Variants in PPARGC1A observed in about 807,000 individuals in gnomAD.
PPARGC1A encodes PPARG coactivator 1 alpha, also known as peroxisome proliferator-activated receptor gamma coactivator 1-alpha.
A neutral mutation model predicts 88.7 loss-of-function variants in PPARGC1A; 25 were observed. That is an observed-to-expected ratio of 0.28 (90% CI 0.21 to 0.39). The LOEUF (loss-of-function observed/expected upper bound fraction) is 0.39. PPARGC1A is among the 10% of genes least tolerant of loss of function. The pLI is 1.00. For synonymous variants in PPARGC1A, 363 were observed against 355.6 expected, an observed-to-expected ratio of 1.02 and a Z score of -0.24; for missense variants, 880 against 968.7, an observed-to-expected ratio of 0.91 and a Z score of 1.22.
the PPARGC1A span, among the ~76,000 whole-genome samples, chr4:24,052,845 C>T: frequency 2.9e-5 from 4 of 139,672 alleles, no homozygotes; most frequent in East Asian, 6.4e-4. Flanking sequence ...TCTCCTGTGG[C>T]GTACGCAGAT....
chr4:23,879,090 A>G (rs1715388585), intron 2 of PPARGC1A, among the ~76,000 whole-genome samples: 1 of 152,256 alleles, frequency 6.6e-6, no homozygotes, highest in Non-Finnish European at 1.5e-5. Context: ...CAGAAATCTT[A>G]TAAAAGTGAT....
At chr4:23,915,742 C>G in the PPARGC1A span, among the ~76,000 whole-genome samples, 289 of 152,182 alleles carry the variant, frequency 1.9e-3, 1 homozygote, top group African/African-American at 6.8e-3. Context: ...TCATGAAGTC[C>G]CATAAATAAA....
the PPARGC1A span, among the ~76,000 whole-genome samples, chr4:24,247,034 T>G: frequency 6.6e-6 from 1 of 152,220 alleles, no homozygotes; most frequent in East Asian, 1.9e-4. Context: ...GGTAAAATTG[T>G]CTTTCTTCCT....
intron 12 of PPARGC1A, among the ~76,000 whole-genome samples, chr4:23,797,469 G>T (rs1169002524): frequency 6.6e-6 from 1 of 152,132 alleles, no homozygotes; most frequent in Non-Finnish European, 1.5e-5. Context: ...TGTGATAAAA[G>T]TCAGCCTGGA....
the PPARGC1A span, among the ~76,000 whole-genome samples, chr4:24,329,085 AT>A: frequency 6.6e-6 from 1 of 152,152 alleles, no homozygotes; most frequent in African/African-American, 2.4e-5. Flanking sequence ...TAAGGATGCT[AT>A]TACGGGCTGA....
the PPARGC1A span, among the ~76,000 whole-genome samples, chr4:24,267,815 C>G: frequency 6.6e-6 from 1 of 152,008 alleles, no homozygotes; most frequent in African/African-American, 2.4e-5. Flanking sequence ...ATTAGCTAAT[C>G]AACGTGTCAT....
At chr4:23,905,401 A>G (rs1189475087), upstream of PPARGC1A, among the ~76,000 whole-genome samples, 1 of 152,216 alleles carries the variant, frequency 6.6e-6, no homozygotes, top group South Asian at 2.1e-4. Context: ...TAACTCAATA[A>G]TGCCATCTTA....
the PPARGC1A span, among the ~76,000 whole-genome samples, chr4:24,057,855 A>G: frequency 1.3e-5 from 2 of 152,246 alleles, no homozygotes; most frequent in Non-Finnish European, 2.9e-5. Flanking sequence ...TTGCTCCAGC[A>G]ATTGGAAAAC....
At chr4:24,394,891 C>T in the PPARGC1A span, among the ~76,000 whole-genome samples, 1 of 152,318 alleles carries the variant, frequency 6.6e-6, no homozygotes, top group Non-Finnish European at 1.5e-5. Flanking sequence ...TTATTAATCA[C>T]TATTGCTTAA....
intron 2 of PPARGC1A, among the ~76,000 whole-genome samples, chr4:23,841,369 A>C (rs1233764008): frequency 6.6e-6 from 1 of 152,116 alleles, no homozygotes; most frequent in Non-Finnish European, 1.5e-5. Flanking sequence ...AAGTTTTTAA[A>C]CTATGTTTCA....
the PPARGC1A span, among the ~76,000 whole-genome samples, chr4:24,343,144 A>G: frequency 2.0e-5 from 3 of 152,220 alleles, no homozygotes; most frequent in African/African-American, 7.2e-5. Context: ...CCCTGGTTCA[A>G]ACCAAACCCT....
the PPARGC1A span, among the ~76,000 whole-genome samples, chr4:24,422,548 C>G: frequency 6.6e-6 from 1 of 151,610 alleles, no homozygotes; most frequent in East Asian, 1.9e-4. Flanking sequence ...TAAGCCTTCC[C>G]TTATTAACTC....
At chr4:24,401,859 A>G in the PPARGC1A span, among the ~76,000 whole-genome samples, 1 of 152,162 alleles carries the variant, frequency 6.6e-6, no homozygotes, top group East Asian at 1.9e-4. Flanking sequence ...ATATCAGTAA[A>G]CATGTAAGTC....
the PPARGC1A span, among the ~76,000 whole-genome samples, chr4:24,182,720 G>C: frequency 2.0e-5 from 3 of 152,236 alleles, no homozygotes; most frequent in Admixed American, 1.3e-4. Context: ...TCTCATTGTG[G>C]TTTCAATTTG....
intron 2 of PPARGC1A, among the ~76,000 whole-genome samples, chr4:23,838,369 A>G (rs1726423739): frequency 6.6e-6 from 1 of 152,180 alleles, no homozygotes; most frequent in Non-Finnish European, 1.5e-5. Context: ...AGAGGTTCCT[A>G]GCTCCTACCT....
the PPARGC1A span, among the ~76,000 whole-genome samples, chr4:24,122,958 G>C: frequency 2.0e-5 from 3 of 152,204 alleles, no homozygotes; most frequent in Middle Eastern, 6.8e-3. Context: ...TTTAGAATTG[G>C]CTCATCCTCC....
At chr4:24,437,620 TGTTG>T in the PPARGC1A span, among the ~76,000 whole-genome samples, 2 of 151,758 alleles carry the variant, frequency 1.3e-5, no homozygotes, top group African/African-American at 4.8e-5. Context: ...TTGTTGTTGT[TGTTG>T]TTGTTGTTGT....
At chr4:23,883,217 G>T (rs1716274164) in intron 2 of PPARGC1A, 1 of 152,152 alleles carries the variant, frequency 6.6e-6, no homozygotes, top group South Asian at 2.1e-4. Context: ...CCTCCACCTT[G>T]TTCTGTCTCC....
At chr4:24,214,954 T>G in the PPARGC1A span, among the ~76,000 whole-genome samples, 1 of 152,200 alleles carries the variant, frequency 6.6e-6, no homozygotes, top group East Asian at 1.9e-4. Context: ...TGCTGCTCAT[T>G]GTAACCAACA....
Sources: allele counts gnomAD v4.1 joint callset (sites outside exome capture counted in the v4.1 genomes callset), GRCh38; gene constraint gnomAD v4.1.1; transcripts MANE v1.5; gene names NCBI Gene and HGNC (gene_info 2026-07-23, HGNC 2026-07-21).